The following SORCS2 variants were observed in gnomAD, a reference collection of about 807,000 sequenced individuals.
The protein encoded by SORCS2 is sortilin related VPS10 domain containing receptor 2, also known as VPS10 domain-containing receptor SorCS2.
SORCS2 carries 100 observed loss-of-function variants against 141.6 expected under a neutral mutation model. The ratio of observed to expected loss-of-function variants is 0.71; its 90% CI spans 0.60 to 0.83. The LOEUF (loss-of-function observed/expected upper bound fraction) is 0.83. Ranked by LOEUF, SORCS2 falls within the 40% of genes least tolerant of loss-of-function variation. The pLI, the probability that SORCS2 is intolerant of heterozygous loss-of-function variation, is 0.00. For synonymous variants in SORCS2, 789 were observed against 676.9 expected (o/e 1.17, Z -2.57); for missense variants, 1,646 against 1,560.2 (o/e 1.05, Z -0.93).
intron 1 of SORCS2, among the ~76,000 whole-genome samples, chr4:7,276,582 C>T (rs753360791): frequency 1.3e-5 from 2 of 152,152 alleles, no homozygotes; most frequent in Non-Finnish European, 2.9e-5. Flanking sequence ...GCTCCAGGCC[C>T]CGGGAAACGC....
rs1055355532 is a variant in SORCS2, at chr4:7,286,269, T to C, written c.480+93143T>C. 6.6e-6 allele frequency among the ~76,000 whole-genome samples: 1 copy of C among 151,946 alleles called. No homozygotes were observed. The highest frequency in any genetic ancestry group is 1.5e-5 in the Non-Finnish European group (1 of 67,974). ...TCATGGTGTCTCCGTAGAAAGAAGATAGAGGATGTGGGAGCCTGGCCAGCT... is the reference window on the plus strand; with the variant it reads ...TCATGGTGTCTCCGTAGAAAGAAGACAGAGGATGTGGGAGCCTGGCCAGCT... On this transcript the variant is annotated intron_variant, in intron 1 of 26. Transcript: ENST00000507866. The surrounding 1 kb of genome is among the most constrained non-coding windows in gnomAD (Gnocchi z 4.1).
intron 2 of SORCS2, among the ~76,000 whole-genome samples, chr4:7,497,981 A>G (rs5028569): frequency 0.25 from 37,874 of 152,276 alleles, 5,787 homozygotes; most frequent in East Asian, 0.69. Flanking sequence ...TGGAGAAGGA[A>G]GGTGCTGGTG....
At chr4:7,348,142 C>T (rs942890451) in intron 1 of SORCS2, among the ~76,000 whole-genome samples, 1 of 152,166 alleles carries the variant, frequency 6.6e-6, no homozygotes, top group Non-Finnish European at 1.5e-5. Context: ...CCGGAGGAGC[C>T]GATGTGAGAC....
chr4:7,402,969 C>G (rs1359552975), intron 2 of SORCS2, among the ~76,000 whole-genome samples: 1 of 151,822 alleles, frequency 6.6e-6, no homozygotes, highest in African/African-American at 2.4e-5. Context: ...TTTCCAGGCC[C>G]CTTAATTTTA....
intron 1 of SORCS2, among the ~76,000 whole-genome samples, chr4:7,376,330 A>G (rs1055669012): frequency 6.6e-5 from 10 of 151,908 alleles, no homozygotes; most frequent in African/African-American, 2.4e-4. Context: ...TAATCCCAGC[A>G]CTTTGGGAAG....
intron 2 of SORCS2, among the ~76,000 whole-genome samples, chr4:7,436,512 T>C (rs887241944): frequency 6.6e-6 from 1 of 152,150 alleles, no homozygotes; most frequent in African/African-American, 2.4e-5. Context: ...ACTGAGGGGG[T>C]GCGACCCAGG....
chr4:7,394,974 A>G (rs937294664), intron 1 of SORCS2, among the ~76,000 whole-genome samples: 11 of 152,170 alleles, frequency 7.2e-5, no homozygotes, highest in African/African-American at 2.4e-4. Context: ...ATATGAATCA[A>G]TGGGTTAAAG....
chr4:7,645,040 G>A (rs754200699), intron 4 of SORCS2, among the ~76,000 whole-genome samples: 1 of 152,230 alleles, frequency 6.6e-6, no homozygotes, highest in Non-Finnish European at 1.5e-5. Context: ...GGCAGGCGTC[G>A]TAAACGCAAG....
intron 1 of SORCS2, among the ~76,000 whole-genome samples, chr4:7,290,198 C>A (rs968241580): frequency 6.6e-6 from 1 of 152,200 alleles, no homozygotes; most frequent in Admixed American, 6.5e-5. Flanking sequence ...TTTGTCAGGA[C>A]AACCCGTGGC....
intron 1 of SORCS2, among the ~76,000 whole-genome samples, chr4:7,354,155 C>T (rs1345143091): frequency 6.6e-6 from 1 of 152,118 alleles, no homozygotes; most frequent in African/African-American, 2.4e-5. Flanking sequence ...ATTGTAATGA[C>T]CTTGGAAAGA....
intron 3 of SORCS2, among the ~76,000 whole-genome samples, chr4:7,612,551 C>T (rs1372215079): frequency 6.6e-6 from 1 of 152,056 alleles, no homozygotes; most frequent in Admixed American, 6.5e-5. Flanking sequence ...CCACCAGGGG[C>T]CTCTACTTGA....
In SORCS2 at chr4:7,741,161, C is replaced by T. The variant is rs532092364; in HGVS notation, c.*897C>T. On this transcript the variant is annotated 3_prime_UTR_variant, in exon 27 of 27. Transcript: ENST00000507866. Reference sequence around the variant, plus strand: ...CCCCCAGAAAGGTGGGTGGTGGAGACGGCACCAGATGTACCAGTTTTCTGC... The same window carrying T: ...CCCCCAGAAAGGTGGGTGGTGGAGATGGCACCAGATGTACCAGTTTTCTGC... 4.8e-5 allele frequency: 19 copies of T among 398,618 alleles called. No homozygotes were observed. Among genetic ancestry groups the T allele is most frequent in the South Asian group, 1.3e-4 (1 of 7,840 alleles). The allele number at this position is 398,618 out of a possible 1,614,324, so 24.7% of individuals were successfully genotyped here.
chr4:7,488,597 C>G (rs904300285), intron 2 of SORCS2, among the ~76,000 whole-genome samples: 1 of 152,210 alleles, frequency 6.6e-6, no homozygotes, highest in African/African-American at 2.4e-5. Flanking sequence ...CTGCCTCTGT[C>G]CCCAGGACCT....
chr4:7,327,141 C>T (rs186467167), intron 1 of SORCS2, among the ~76,000 whole-genome samples: 40 of 152,356 alleles, frequency 2.6e-4, no homozygotes, highest in East Asian at 9.7e-4. Flanking sequence ...CAGCTGCCGC[C>T]GCAACGTTCC....
At chr4:7,446,199 GA>G (rs1448513697) in intron 2 of SORCS2, among the ~76,000 whole-genome samples, 6 of 152,074 alleles carry the variant, frequency 3.9e-5, no homozygotes, top group Non-Finnish European at 8.8e-5. Flanking sequence ...GGGGAGGGAA[GA>G]AAAGAACCTT....
rs1720912857 is a variant in SORCS2, at chr4:7,644,246, A to G, written c.813+5754A>G. 2.0e-5 allele frequency among the ~76,000 whole-genome samples: 3 copies of G among 152,310 alleles called. No individual in the cohort carries two copies. The East Asian group carries it at 5.8e-4, about 29-fold the overall frequency. ...TCCCAGACTTATCAAGCTCAAAAAC[A>G]TGTGGCTGGTGCAGCTGATGTTGCC... On this transcript the variant is annotated intron_variant, in intron 4 of 26. Transcript: ENST00000507866.
intron 3 of SORCS2, among the ~76,000 whole-genome samples, chr4:7,628,926 G>A (rs1185255588): frequency 1.3e-5 from 2 of 152,188 alleles, no homozygotes; most frequent in South Asian, 2.1e-4. Context: ...TTTCAGAGAG[G>A]CTTAATAATT....
chr4:7,374,166 T>TCTTTCTTTCTTC (rs1560229401), intron 1 of SORCS2, among the ~76,000 whole-genome samples: 20 of 146,544 alleles, frequency 1.4e-4, no homozygotes, highest in African/African-American at 5.2e-4. Flanking sequence ...TTTCTTTCTT[T>TCTTTCTTTCTTC]CTTTCTTTCT....
In SORCS2 at chr4:7,290,796, T is replaced by TTTCATTCATTCATTCA. The variant is rs3031021; in HGVS notation, c.480+97679_480+97694dup. 6.0e-3 allele frequency among the ~76,000 whole-genome samples: 905 copies of TTTCATTCATTCATTCA among 151,362 alleles called. 7 individuals carry two copies. The highest frequency in any genetic ancestry group is 0.019 in the African/African-American group (788 of 41,360). On this transcript the variant is annotated intron_variant, in intron 1 of 26. Transcript: ENST00000507866. ...TGTAATGACTGCAGAGGCTGCATTCTTTCATTCATTCATTCATTCATTCAG... is the reference window on the plus strand; with the variant it reads ...TGTAATGACTGCAGAGGCTGCATTCTTTCATTCATTCATTCATTCATTCATTCATTCATTCATTCAG...
Sources: gnomAD v4.1 joint callset for allele counts (sites outside exome capture counted in the v4.1 genomes callset) on GRCh38, gnomAD v4.1.1 for gene constraint, Gnocchi (gnomAD v3.1) non-coding constraint, MANE v1.5 for transcripts, NCBI Gene and HGNC (gene_info 2026-07-23, HGNC 2026-07-21) for gene names.